The following GLDN variants were observed in gnomAD, a reference collection of about 807,000 sequenced individuals.
GLDN encodes the protein gliomedin, also known as collomin.
GLDN carries 47 observed loss-of-function variants against 56.5 expected under a neutral mutation model. The observed-to-expected ratio is 0.83, with a 90% CI of 0.66 to 1.06. GLDN has a LOEUF of 1.06. GLDN is among the 50% of genes least tolerant of loss of function. GLDN has a pLI of 0.00. For missense variants in GLDN, 782 were observed against 714.3 expected (o/e 1.09, Z -1.08); for synonymous variants, 332 against 278.8 (o/e 1.19, Z -1.90).
At chr15:51,348,486 C>T (rs910764053) in intron 1 of GLDN, among the ~76,000 whole-genome samples, 1 of 152,054 alleles carries the variant, frequency 6.6e-6, no homozygotes, top group Non-Finnish European at 1.5e-5. Flanking sequence ...TGTGCCACCA[C>T]ACCTGGCTAA....
chr15:51,403,226 G>T (rs1314643262), intron 9 of GLDN, among the ~76,000 whole-genome samples: 1 of 152,194 alleles, frequency 6.6e-6, no homozygotes, highest in Non-Finnish European at 1.5e-5. Flanking sequence ...GGAGAGATGG[G>T]TCTCACCAAG....
intron 2 of GLDN, 61 bp from the exon 3 acceptor site, chr15:51,383,375 G>T: frequency 6.4e-7 from 1 of 1,564,578 alleles, no homozygotes; most frequent in South Asian, 1.1e-5. Flanking sequence ...GAAGGTCGGG[G>T]GTGCTCTTTG....
intron 1 of GLDN, among the ~76,000 whole-genome samples, chr15:51,359,218 G>A (rs2037244784): frequency 6.6e-6 from 1 of 152,142 alleles, no homozygotes; most frequent in African/African-American, 2.4e-5. Context: ...TTCCCTCTCA[G>A]ACTTAAAACA....
At chr15:51,355,414 G>T (rs1206775405) in intron 1 of GLDN, among the ~76,000 whole-genome samples, 1 of 152,062 alleles carries the variant, frequency 6.6e-6, no homozygotes, top group Non-Finnish European at 1.5e-5. Context: ...GCATGCTAAT[G>T]CATTATTAAT....
At chr15:51,370,589 C>T (rs1384320434) in intron 1 of GLDN, among the ~76,000 whole-genome samples, 1 of 151,702 alleles carries the variant, frequency 6.6e-6, no homozygotes, top group Non-Finnish European at 1.5e-5. Flanking sequence ...TCACACAACA[C>T]TAACATGCTT....
At chr15:51,390,034 T>C (rs2037982317) in intron 4 of GLDN, among the ~76,000 whole-genome samples, 1 of 152,196 alleles carries the variant, frequency 6.6e-6, no homozygotes, top group Non-Finnish European at 1.5e-5. Flanking sequence ...AGAATGTTAG[T>C]GGAATAGCTC....
intron 1 of GLDN, among the ~76,000 whole-genome samples, chr15:51,357,951 T>G (rs2037218996): frequency 6.6e-6 from 1 of 152,156 alleles, no homozygotes; most frequent in Non-Finnish European, 1.5e-5. Context: ...CCTAGGGACC[T>G]GTCCCTCGTA....
At chr15:51,412,804 C>T (rs2038480744), downstream of GLDN, among the ~76,000 whole-genome samples, 2 of 152,050 alleles carry the variant, frequency 1.3e-5, no homozygotes, top group South Asian at 2.1e-4. Flanking sequence ...TATTAAAATG[C>T]AGCTACATCT....
the GLDN span, among the ~76,000 whole-genome samples, chr15:51,413,218 T>C: frequency 6.6e-6 from 1 of 152,208 alleles, no homozygotes; most frequent in Non-Finnish European, 1.5e-5. Flanking sequence ...AATGTGTATG[T>C]TTTTTCAGAG....
Position 51,404,400 on chromosome 15 carries a change from T to C in GLDN, c.1302T>C (p.Leu434=), listed in dbSNP as rs138697982. Residue 434 remains leucine (L), a synonymous_variant, in exon 10 of 10, where the codon CTT becomes CTC. Coordinates refer to ENST00000335449, the MANE Select transcript of GLDN (RefSeq NM_181789.4). The part of the protein sequence containing the change: ...YFNLAVDEKG[L]WIIYASSVDG... Reference sequence around the variant, plus strand: ...ATCTAGCTGTAGATGAAAAGGGCCTTTGGATTATCTATGCGTCAAGTGTGG... The same window carrying C: ...ATCTAGCTGTAGATGAAAAGGGCCTCTGGATTATCTATGCGTCAAGTGTGG... 5 of 1,614,220 alleles carry C rather than the reference T, an allele frequency of 3.1e-6. No individual in the cohort carries two copies. The highest frequency in any genetic ancestry group is 1.7e-5 in the Admixed American group (1 of 60,026).
At chr15:51,347,480 C>A (rs999678530) in intron 1 of GLDN, among the ~76,000 whole-genome samples, 3 of 152,124 alleles carry the variant, frequency 2.0e-5, no homozygotes, top group Non-Finnish European at 4.4e-5. Context: ...TGGCCCAAGA[C>A]AATTCTTCTT....
In GLDN at chr15:51,376,119, T is replaced by C. The variant is rs148312801; in HGVS notation, c.364-1330T>C. Among the ~76,000 whole-genome samples the C allele has an allele frequency of 5.0e-3, 768 of 152,346 alleles. 7 individuals carry two copies. The highest frequency in any genetic ancestry group is 0.017 in the African/African-American group (723 of 41,568). ...TACAGTCATATGTCATGTAACCACA[T>C]GGATACATTCTAAGAAATACGTCAT... On this transcript the variant is annotated intron_variant, in intron 1 of 9. Coordinates refer to ENST00000335449, the MANE Select transcript of GLDN (RefSeq NM_181789.4).
At chr15:51,366,354 G>A (rs1313639629) in intron 1 of GLDN, among the ~76,000 whole-genome samples, 1 of 152,232 alleles carries the variant, frequency 6.6e-6, no homozygotes, top group East Asian at 1.9e-4. Context: ...TGTCATTACT[G>A]AGTGGCGGTT....
rs748810176 is a variant in GLDN, at chr15:51,383,792, G to T, written c.441G>T (p.Pro147=). 22 of 1,607,682 alleles carry T rather than the reference G, an allele frequency of 1.4e-5. No individual in the cohort carries two copies. The highest frequency in any genetic ancestry group is 8.5e-7 in the Non-Finnish European group (1 of 1,177,852). The change falls in exon 4 of 10, where the codon CCG becomes CCT. Residue 147 remains proline, a synonymous_variant. Transcript: ENST00000335449. ...TTCTGTGTTTTGATGCAGGACCTCC[G>T]GGAGCCGGCGGGTTGCCAGGACACA... ...LTGPSGPPGP[P]GAGGLPGHNG...
chr15:51,370,060 G>A (rs1013923315), intron 1 of GLDN, among the ~76,000 whole-genome samples: 4 of 152,176 alleles, frequency 2.6e-5, no homozygotes, highest in Non-Finnish European at 5.9e-5. Context: ...AAGCTGTAGT[G>A]AGCCATGTTC....
At position 51,341,716 on chromosome 15, in the gene GLDN, A is replaced by T; in HGVS notation, c.32A>T (p.Asp11Val). Residue 11 changes from aspartate (D) to valine (V), a missense_variant, in exon 1 of 10, where the codon GAC becomes GTC. Physicochemically the swap from Asp to Val is radical, Grantham distance 152 (BLOSUM62 -3). Transcript: ENST00000335449. ...CGAGGCGCTGAGGGAGGCCGTGGGG[A>T]CGCGGGTTGGGGCCTGCGTGGCGCC... is the stretch of plus-strand genomic sequence containing the variant. MARGAEGGRG[D>V]AGWGLRGALA... 1 of 1,430,858 alleles carries T rather than the reference A, an allele frequency of 7.0e-7. No individual in the cohort carries two copies. Among genetic ancestry groups the T allele is most frequent in the Non-Finnish European group, 9.0e-7 (1 of 1,107,012 alleles). 88.6% of individuals were successfully genotyped at this position (1,430,858 alleles called of 1,614,324 possible).
At chr15:51,386,435 C>T (rs968489178) in intron 4 of GLDN, among the ~76,000 whole-genome samples, 12 of 152,208 alleles carry the variant, frequency 7.9e-5, no homozygotes, top group African/African-American at 2.7e-4. Flanking sequence ...CTCCTGAGCC[C>T]TGGGACAGAT....
intron 1 of GLDN, among the ~76,000 whole-genome samples, chr15:51,351,559 C>G (rs1179336813): frequency 6.6e-6 from 1 of 152,152 alleles, no homozygotes; most frequent in African/African-American, 2.4e-5. Context: ...AGAATAATTT[C>G]TCAGATCACA....
intron 5 of GLDN, 43 bp downstream of exon 5, chr15:51,395,024 C>T (rs763372781): frequency 1.1e-5 from 16 of 1,505,642 alleles, no homozygotes; most frequent in Non-Finnish European, 1.4e-5. Flanking sequence ...GCTTGTGCGC[C>T]CAGAGAACTG....
Sources: gnomAD v4.1 joint callset for allele counts (sites outside exome capture counted in the v4.1 genomes callset) on GRCh38, gnomAD v4.1.1 for gene constraint, MANE v1.5 for transcripts, NCBI Gene and HGNC (gene_info 2026-07-23, HGNC 2026-07-21) for gene names.